CTNNA1: variants seen among roughly 807,000 people sequenced by gnomAD.
CTNNA1 encodes catenin alpha 1.
In CTNNA1, 37 loss-of-function variants were observed where a neutral mutation model predicts 98.4. The observed-to-expected ratio is 0.38, with a 90% CI of 0.29 to 0.49. CTNNA1 has a LOEUF of 0.49. CTNNA1 is among the 20% of genes least tolerant of loss of function. The pLI, the probability that CTNNA1 is intolerant of heterozygous loss-of-function variation, is 0.95. For missense variants in CTNNA1, 761 were observed against 1,147.2 expected (o/e 0.66, Z 4.86); for synonymous variants, 404 against 413.2 (o/e 0.98, Z 0.27).
intron 7 of CTNNA1, among the ~76,000 whole-genome samples, chr5:138,858,036 C>T (rs543827487): frequency 3.9e-5 from 6 of 152,140 alleles, no homozygotes; most frequent in African/African-American, 1.2e-4. Flanking sequence ...ATCCATCTTA[C>T]TGTTTTGATG....
chr5:138,897,458 G>T (rs1023901315), intron 9 of CTNNA1, among the ~76,000 whole-genome samples: 2 of 152,028 alleles, frequency 1.3e-5, no homozygotes, highest in African/African-American at 2.4e-5. Context: ...TGGTAAAGTG[G>T]CCTTGAAAAA....
chr5:138,914,049 G>A (rs1761233076), intron 10 of CTNNA1, among the ~76,000 whole-genome samples: 1 of 152,176 alleles, frequency 6.6e-6, no homozygotes, highest in Non-Finnish European at 1.5e-5. Context: ...TTTAGTAAGA[G>A]TAATCAGAAA....
intron 5 of CTNNA1, among the ~76,000 whole-genome samples, chr5:138,816,985 C>T (rs1759499799): frequency 1.3e-5 from 2 of 152,094 alleles, no homozygotes; most frequent in African/African-American, 2.4e-5. Context: ...ACAGGTGTGA[C>T]CCACCGTGCC....
intron 7 of CTNNA1, among the ~76,000 whole-genome samples, chr5:138,876,512 T>A (rs1431570015): frequency 6.6e-6 from 1 of 152,260 alleles, no homozygotes; most frequent in African/African-American, 2.4e-5. Flanking sequence ...CTAGATGTTA[T>A]ATTTTCAGGC....
At chr5:138,802,562 G>A (rs867585890) in intron 3 of CTNNA1, among the ~76,000 whole-genome samples, 6 of 152,090 alleles carry the variant, frequency 3.9e-5, no homozygotes, top group Admixed American at 6.6e-5. Context: ...AATTTTTAAA[G>A]GTTACGGGAG....
At chr5:138,754,597 G>C (rs953096398) in intron 1 of CTNNA1, 1 of 152,298 alleles carries the variant, frequency 6.6e-6, no homozygotes, top group Non-Finnish European at 1.5e-5. Flanking sequence ...TTTGTGTTTA[G>C]TCAGCAGTGA....
chr5:138,775,714 C>CTTTTTTTTTTTT (rs750615535), intron 1 of CTNNA1, among the ~76,000 whole-genome samples: 5 of 82,526 alleles, frequency 6.1e-5, no homozygotes, highest in Admixed American at 1.6e-4. Flanking sequence ...GGAAATATTT[C>CTTTTTTTTTTTT]TTTTTTTTTT....
intron 7 of CTNNA1, among the ~76,000 whole-genome samples, chr5:138,846,404 T>C (rs1252186196): frequency 1.3e-5 from 2 of 152,222 alleles, no homozygotes; most frequent in African/African-American, 4.8e-5. Flanking sequence ...ATAATCTGTA[T>C]CAGTAGATAA....
At chr5:138,919,619 A>G (rs557301684) in intron 11 of CTNNA1, among the ~76,000 whole-genome samples, 1 of 152,326 alleles carries the variant, frequency 6.6e-6, no homozygotes, top group Non-Finnish European at 1.5e-5. Context: ...AATGTATGAG[A>G]GTATAAGAGG....
intron 1 of CTNNA1, among the ~76,000 whole-genome samples, chr5:138,764,548 C>T (rs1220958045): frequency 4.6e-5 from 7 of 151,524 alleles, no homozygotes; most frequent in South Asian, 2.1e-4. Context: ...CTCAGTTGAC[C>T]GCAACCTCTG....
chr5:138,852,859 T>A (rs1316750401), intron 7 of CTNNA1, among the ~76,000 whole-genome samples: 6 of 15,644 alleles, frequency 3.8e-4, no homozygotes, highest in Admixed American at 9.6e-4. Context: ...TTCCCTCTTT[T>A]CGCGCGCGCG....
Position 138,873,081 on chromosome 5 carries a change from G to A in CTNNA1, c.1063-13131G>A. ...CCATAACCATTAATGATGATGAAGG[G>A]TCCTTCATGGGTGGGTTCATATTCA... On this transcript the variant is annotated intron_variant, in intron 7 of 17. Transcript: ENST00000302763. The surrounding 1 kb of genome is among the most constrained non-coding windows in gnomAD (Gnocchi z 6.1). The A allele has an allele frequency of 6.2e-7, 1 of 1,613,656 alleles. No individual in the cohort carries two copies. The highest frequency in any genetic ancestry group is 8.5e-7 in the Non-Finnish European group (1 of 1,179,628).
At position 138,785,203 on chromosome 5, in the gene CTNNA1, A is replaced by G. The variant is rs368341705; in HGVS notation, c.301+1831A>G. ...CAGCCTCCCAAGTAGCTGGGACTAC[A>G]GGCGCCCGCCACTACGCCCGGCTAA... On this transcript the variant is annotated intron_variant, in intron 3 of 17. Coordinates refer to ENST00000302763, the MANE Select transcript of CTNNA1 (RefSeq NM_001903.5). Among the ~76,000 whole-genome samples the G allele has an allele frequency of 5.3e-5, 8 of 149,760 alleles. No individual in the cohort carries two copies. The East Asian group carries it at 1.4e-3, about 26-fold the overall frequency.
At chr5:138,806,421 G>C (rs770413995) in intron 3 of CTNNA1, among the ~76,000 whole-genome samples, 10 of 149,512 alleles carry the variant, frequency 6.7e-5, no homozygotes, top group African/African-American at 2.5e-4. Flanking sequence ...TTCTTCTCCC[G>C]CTCAGAAAGG....
chr5:138,777,503 A>C (rs1386546492), intron 1 of CTNNA1, among the ~76,000 whole-genome samples: 4 of 151,944 alleles, frequency 2.6e-5, no homozygotes, highest in Non-Finnish European at 5.9e-5. Context: ...AGGCCAAGGC[A>C]GGCGGCTGGG....
chr5:138,861,514 A>G (rs1254900297), intron 7 of CTNNA1, among the ~76,000 whole-genome samples: 1 of 152,162 alleles, frequency 6.6e-6, no homozygotes, highest in Non-Finnish European at 1.5e-5. Context: ...ATTACTGCCT[A>G]TTCTTAAAGA....
rs540390073 is a variant in CTNNA1 at position 138,933,653 on chromosome 5, C to G, written c.2434-149C>G. 108 of 758,920 alleles carry G rather than the reference C, an allele frequency of 1.4e-4. No individual in the cohort carries two copies. The African/African-American group carries it at 1.8e-3, about 13-fold the overall frequency. 47.0% of individuals were successfully genotyped at this position (758,920 alleles called of 1,614,324 possible). The stretch of plus-strand genomic sequence containing the variant: ...AAGAGCAGCCGTTGAGGGTGTTCTT[C>G]AGGAACAGGCTGCTGCCCAATCCTC... On this transcript the variant is annotated intron_variant, in intron 17 of 17. Coordinates refer to ENST00000302763, the MANE Select transcript of CTNNA1 (RefSeq NM_001903.5).
chr5:138,883,330 G>A lies in CTNNA1; in HGVS notation c.1063-2882G>A, dbSNP rs1288318429. On this transcript the variant is annotated intron_variant, in intron 7 of 17. Coordinates refer to ENST00000302763, the MANE Select transcript of CTNNA1 (RefSeq NM_001903.5). ...TAAAATGATACTGTGATTTTAAAAT[G>A]GTCTGTCTAGTATAACTTAAAGGGC... 2.0e-5 allele frequency among the ~76,000 whole-genome samples: 3 copies of A among 152,090 alleles called. No individual in the cohort carries two copies. In the East Asian group the frequency reaches 5.8e-4, roughly 29 times the overall value.
intron 3 of CTNNA1, among the ~76,000 whole-genome samples, chr5:138,799,426 C>T (rs1757309581): frequency 6.6e-6 from 1 of 152,118 alleles, no homozygotes; most frequent in African/African-American, 2.4e-5. Flanking sequence ...TTCCAAAGTG[C>T]TGGGATTACA....
Sources: gnomAD v4.1 joint callset for allele counts (sites outside exome capture counted in the v4.1 genomes callset) on GRCh38, gnomAD v4.1.1 for gene constraint, Gnocchi (gnomAD v3.1) non-coding constraint, MANE v1.5 for transcripts, NCBI Gene and HGNC (gene_info 2026-07-23, HGNC 2026-07-21) for gene names.